Variants in NCOR2 observed in about 807,000 individuals in gnomAD.
NCOR2 encodes CTG repeat protein 26.
NCOR2 carries 81 observed loss-of-function variants against 262.9 expected under a neutral mutation model. The ratio of observed to expected loss-of-function variants is 0.31; its 90% CI spans 0.26 to 0.37. NCOR2 has a LOEUF of 0.37. NCOR2 is among the 10% of genes least tolerant of loss of function. The pLI is 1.00. For missense variants in NCOR2, 3,385 were observed against 3,621.4 expected, an observed-to-expected ratio of 0.93 and a Z score of 1.68; for synonymous variants, 1,659 against 1,559.3, an observed-to-expected ratio of 1.06 and a Z score of -1.51.
chr12:124,354,508 G>A, exon 26 of NCOR2: 1 of 1,587,476 alleles, frequency 6.3e-7, no homozygotes, highest in Non-Finnish European at 8.5e-7. Context: ...TGGGCTGTGG[G>A]CACCCCCAGG....
At chr12:124,416,474 C>T (rs1248632164) in intron 13 of NCOR2, among the ~76,000 whole-genome samples, 1 of 152,220 alleles carries the variant, frequency 6.6e-6, no homozygotes, top group Non-Finnish European at 1.5e-5. Flanking sequence ...TTTTATTCTA[C>T]GGAGTCTTCA....
At chr12:124,424,429 C>G (rs141751091) in intron 11 of NCOR2, among the ~76,000 whole-genome samples, 1 of 152,132 alleles carries the variant, frequency 6.6e-6, no homozygotes, top group East Asian at 1.9e-4. Context: ...ATTAAGTAAC[C>G]GAGTATTCCT....
At chr12:124,512,231 C>G (rs1378318703) in intron 1 of NCOR2, among the ~76,000 whole-genome samples, 4 of 152,210 alleles carry the variant, frequency 2.6e-5, no homozygotes, top group African/African-American at 9.7e-5. Flanking sequence ...AATTTATTCT[C>G]TAACAGTTCT....
chr12:124,376,697 G>A (rs1462483670), intron 18 of NCOR2, among the ~76,000 whole-genome samples: 1 of 152,228 alleles, frequency 6.6e-6, no homozygotes, highest in Non-Finnish European at 1.5e-5. Flanking sequence ...GTGAAACCCT[G>A]CGGGCTGGAG....
chr12:124,516,617 AC>A (rs1325784870), intron 1 of NCOR2, among the ~76,000 whole-genome samples: 1 of 152,120 alleles, frequency 6.6e-6, no homozygotes. Context: ...CCCGAGACAC[AC>A]CGGCAGGCTG....
intron 22 of NCOR2, among the ~76,000 whole-genome samples, chr12:124,359,300 C>T (rs540509673): frequency 4.2e-4 from 64 of 152,326 alleles, no homozygotes; most frequent in African/African-American, 1.2e-3. Flanking sequence ...TCATCTATCA[C>T]GCCGCCTCCA....
intron 18 of NCOR2, among the ~76,000 whole-genome samples, chr12:124,376,159 G>A (rs1702315): frequency 0.14 from 20,904 of 152,146 alleles, 2,180 homozygotes; most frequent in East Asian, 0.62. Context: ...CTCACCTGCC[G>A]TCCCTGATCT....
chr12:124,501,364 C>T (rs1391458588), intron 1 of NCOR2, among the ~76,000 whole-genome samples: 2 of 152,004 alleles, frequency 1.3e-5, no homozygotes, highest in African/African-American at 4.8e-5. Context: ...ACACACGAGG[C>T]GTATTAGCGC....
At chr12:124,525,604 G>A (rs768576024) in intron 1 of NCOR2, among the ~76,000 whole-genome samples, 1 of 152,254 alleles carries the variant, frequency 6.6e-6, no homozygotes, top group Non-Finnish European at 1.5e-5. Flanking sequence ...ACTGCCCAGA[G>A]CAGCTGCTGC....
In NCOR2 at chr12:124,549,928, T is replaced by C. The variant is rs529061616; in HGVS notation, c.-164-14317A>G. ...AGTATGTGAATGAACAAAATCTACATGCTGGGCGCAAGCTCCGAGGAAAAC... is the reference window on the plus strand; with the variant it reads ...AGTATGTGAATGAACAAAATCTACACGCTGGGCGCAAGCTCCGAGGAAAAC... On this transcript the variant is annotated intron_variant, in intron 1 of 32. Transcript: ENST00000458234. This position sits in a 1 kb window ranked among gnomAD's most constrained non-coding sequence, Gnocchi z 4.4. Among the ~76,000 whole-genome samples the C allele has an allele frequency of 7.8e-4, 119 of 152,292 alleles. No individual in the cohort carries two copies. The highest frequency in any genetic ancestry group is 1.1e-3 in the Non-Finnish European group (74 of 68,010).
At chr12:124,344,933 C>T (rs1476285882) in exon 32 of NCOR2, 21 of 1,552,738 alleles carry the variant, frequency 1.4e-5, no homozygotes, top group Non-Finnish European at 1.7e-5. Flanking sequence ...GCGCCGGTGT[C>T]GTACTTGAGC....
At chr12:124,534,452 T>G (rs867076856) in intron 1 of NCOR2, among the ~76,000 whole-genome samples, 16 of 134,780 alleles carry the variant, frequency 1.2e-4, no homozygotes, top group Non-Finnish European at 2.5e-4. Context: ...CAAGACTCTG[T>G]CTCGAAAAAA....
intron 7 of NCOR2, 78 bp from the exon 10 acceptor site, chr12:124,438,074 G>A: frequency 7.1e-7 from 1 of 1,406,520 alleles, no homozygotes; most frequent in Non-Finnish European, 9.8e-7. Flanking sequence ...TGTTTGCTGA[G>A]AGTGAGCCCC....
chr12:124,338,932 C>G (rs553717677), intron 37 of NCOR2, among the ~76,000 whole-genome samples: 6 of 141,238 alleles, frequency 4.2e-5, no homozygotes, highest in African/African-American at 1.6e-4. Flanking sequence ...CCAGCTAACC[C>G]AGCCATCTAT....
At position 124,549,318 on chromosome 12, in the gene NCOR2, TC is replaced by T. The variant is rs2051638573; in HGVS notation, c.-164-13708del. 6.6e-6 allele frequency among the ~76,000 whole-genome samples: 1 copy of T among 151,948 alleles called. No individual in the cohort carries two copies. The highest frequency in any genetic ancestry group is 2.4e-5 in the African/African-American group (1 of 41,336). On this transcript the variant is annotated intron_variant, in intron 1 of 32. Coordinates refer to the NCOR2 transcript ENST00000458234. This position sits in a 1 kb window ranked among gnomAD's most constrained non-coding sequence, Gnocchi z 4.4. ...GCGGCTGGAGGATAAAATCCCACAC[TC>T]CCCGCTTGGCCGGGTGGCCCACTGC...
chr12:124,396,875 C>T (rs932857667), intron 16 of NCOR2, among the ~76,000 whole-genome samples: 3 of 152,186 alleles, frequency 2.0e-5, no homozygotes, highest in Admixed American at 1.3e-4. Flanking sequence ...GTGCCAAGAG[C>T]GTTTGCTATA....
chr12:124,362,791 C>A (rs1263264903), intron 21 of NCOR2, among the ~76,000 whole-genome samples: 1 of 149,048 alleles, frequency 6.7e-6, no homozygotes, highest in Non-Finnish European at 1.5e-5. Flanking sequence ...AAAAGTCTGG[C>A]CCAGCTGCCT....
chr12:124,474,864 AG>A, intron 3 of NCOR2, among the ~76,000 whole-genome samples: 1 of 152,168 alleles, frequency 6.6e-6, no homozygotes, highest in South Asian at 2.1e-4. Context: ...GGCCCAGAGC[AG>A]CGCCAGGCCA....
At chr12:124,411,285 G>A (rs969798356) in intron 13 of NCOR2, among the ~76,000 whole-genome samples, 2 of 152,026 alleles carry the variant, frequency 1.3e-5, no homozygotes, top group Non-Finnish European at 1.5e-5. Context: ...GAGAGAGAGA[G>A]AGAGAGAGAA....
Sources: allele counts gnomAD v4.1 joint callset (sites outside exome capture counted in the v4.1 genomes callset), GRCh38; gene constraint gnomAD v4.1.1; non-coding constraint Gnocchi (gnomAD v3.1); transcripts MANE v1.5; gene names NCBI Gene and HGNC (gene_info 2026-07-23, HGNC 2026-07-21).